The following MGST2 variants were observed in gnomAD, a reference collection of about 807,000 sequenced individuals.
MGST2 encodes glutathione peroxidase MGST2.
A neutral mutation model predicts 16.6 loss-of-function variants in MGST2; 9 were observed. The observed-to-expected ratio is 0.54, with a 90% CI of 0.33 to 0.95. The LOEUF is 0.95. Ranked by LOEUF, MGST2 falls within the 40% of genes least tolerant of loss-of-function variation. The pLI is 0.03. For synonymous variants in MGST2, 79 were observed against 68.0 expected (o/e 1.16, Z -0.79); for missense variants, 159 against 175.1 (o/e 0.91, Z 0.52).
intron 2 of MGST2, among the ~76,000 whole-genome samples, chr4:139,681,431 T>G (rs1440620780): frequency 6.6e-6 from 1 of 152,218 alleles, no homozygotes; most frequent in African/African-American, 2.4e-5. Context: ...ACTGATCCTC[T>G]AGTTTTCTTT....
chr4:139,675,561 G>T (rs2110809252), intron 1 of MGST2, among the ~76,000 whole-genome samples: 1 of 152,362 alleles, frequency 6.6e-6, no homozygotes, highest in African/African-American at 2.4e-5. Flanking sequence ...TCTTGTACCT[G>T]CTGGGCAAGG....
chr4:139,716,234 T>C (rs1727952800), intron 5 of MGST2, among the ~76,000 whole-genome samples: 1 of 152,162 alleles, frequency 6.6e-6, no homozygotes, highest in Non-Finnish European at 1.5e-5. Context: ...CTAAGCACTT[T>C]CAATTCTGTG....
rs544240010 is a variant in MGST2, at chr4:139,730,516, A to G, written c.*49-9696A>G. The stretch of plus-strand genomic sequence containing the variant: ...CTCTATCAACTGGGCCCGCTGATCA[A>G]TGAGCATCTGCTTCATGATGGCTGC... On this transcript the variant is annotated intron_variant, in intron 5 of 5. Coordinates refer to the MGST2 transcript ENST00000616265. 9.8e-5 allele frequency: 153 copies of G among 1,561,200 alleles called. 1 individual carries two copies. In the East Asian group the frequency reaches 3.3e-3, roughly 34 times the overall value.
intron 2 of MGST2, chr4:139,678,846 C>T: frequency 1.6e-6 from 1 of 615,112 alleles, no homozygotes; most frequent in Non-Finnish European, 2.9e-6. Flanking sequence ...ACATCTATTA[C>T]CAATTCAGCA....
intron 3 of MGST2, among the ~76,000 whole-genome samples, chr4:139,702,844 GTTTTT>G (rs70943436): frequency 0.2 from 9,335 of 46,528 alleles, 1,074 homozygotes; most frequent in Non-Finnish European, 0.31. Context: ...TGTGTTACTG[GTTTTT>G]TTTTTTTTTT....
intron 5 of MGST2, among the ~76,000 whole-genome samples, chr4:139,727,453 G>T (rs1398734336): frequency 6.6e-6 from 1 of 152,162 alleles, no homozygotes; most frequent in East Asian, 1.9e-4. Flanking sequence ...GGCAGCCTGT[G>T]GGGGACTGAG....
intron 5 of MGST2, among the ~76,000 whole-genome samples, chr4:139,732,538 A>G (rs1579372128): frequency 6.6e-6 from 1 of 152,144 alleles, no homozygotes; most frequent in African/African-American, 2.4e-5. Flanking sequence ...CACACAATCA[A>G]TGAATGGAAG....
At chr4:139,705,125 C>T (rs1727471210), downstream of MGST2, among the ~76,000 whole-genome samples, 1 of 152,164 alleles carries the variant, frequency 6.6e-6, no homozygotes, top group Non-Finnish European at 1.5e-5. Flanking sequence ...TCAAGCGAGC[C>T]TCCTGCTTCA....
chr4:139,706,041 C>CT (rs1215266638), downstream of MGST2, among the ~76,000 whole-genome samples: 4 of 152,018 alleles, frequency 2.6e-5, no homozygotes, highest in African/African-American at 7.2e-5. Flanking sequence ...TAGTACTTTT[C>CT]TTTTTTTGTG....
intron 2 of MGST2, among the ~76,000 whole-genome samples, chr4:139,683,221 G>A (rs1731356919): frequency 6.6e-6 from 1 of 152,200 alleles, no homozygotes; most frequent in Non-Finnish European, 1.5e-5. Context: ...CTAGAGCCAG[G>A]GAGATAGCAG....
chr4:139,747,268 G>A, the MGST2 span, among the ~76,000 whole-genome samples: 2 of 152,306 alleles, frequency 1.3e-5, no homozygotes, highest in East Asian at 1.9e-4. Context: ...TTGTGGCGCC[G>A]GTGGGAGGAG....
the MGST2 span, among the ~76,000 whole-genome samples, chr4:139,753,841 G>T: frequency 6.6e-6 from 1 of 152,160 alleles, no homozygotes; most frequent in East Asian, 1.9e-4. Context: ...CACGGGTATG[G>T]CTGGCCCTCA....
chr4:139,667,548 G>A (rs1730431659), intron 1 of MGST2, among the ~76,000 whole-genome samples: 1 of 152,050 alleles, frequency 6.6e-6, no homozygotes, highest in African/African-American at 2.4e-5. Flanking sequence ...ATTAATGGTG[G>A]ACAGGGAATG....
chr4:139,714,446 G>T (rs1597907), intron 5 of MGST2, among the ~76,000 whole-genome samples: 135,921 of 152,248 alleles, frequency 0.89, 60,920 homozygotes, highest in East Asian at 1. Flanking sequence ...TTTCCCTGAG[G>T]GGCCCTAGTG....
At chr4:139,677,043 C>G (rs113974169) in intron 1 of MGST2, among the ~76,000 whole-genome samples, 3 of 152,264 alleles carry the variant, frequency 2.0e-5, no homozygotes, top group African/African-American at 7.2e-5. Context: ...ACATGACTCC[C>G]TTGGCTAGCT....
chr4:139,747,350 T>A, the MGST2 span, among the ~76,000 whole-genome samples: 1 of 152,208 alleles, frequency 6.6e-6, no homozygotes. Flanking sequence ...AGCATCTGCA[T>A]GCATCTCTTT....
downstream of MGST2, among the ~76,000 whole-genome samples, chr4:139,745,154 G>A (rs1280535319): frequency 5.3e-5 from 8 of 152,102 alleles, no homozygotes; most frequent in Admixed American, 2.0e-4. Flanking sequence ...GAAGGAGAGC[G>A]GCCACCTGCA....
At chr4:139,731,800 G>A (rs1014494871) in intron 5 of MGST2, among the ~76,000 whole-genome samples, 2 of 152,148 alleles carry the variant, frequency 1.3e-5, no homozygotes, top group African/African-American at 4.8e-5. Context: ...TGACTACATG[G>A]AGAATGTGCT....
chr4:139,730,074 G>A (rs1728639950), intron 5 of MGST2, among the ~76,000 whole-genome samples: 1 of 152,170 alleles, frequency 6.6e-6, no homozygotes, highest in African/African-American at 2.4e-5. Flanking sequence ...TACGGCTTAT[G>A]GAGCATGTGA....
Sources: allele counts gnomAD v4.1 joint callset (sites outside exome capture counted in the v4.1 genomes callset), GRCh38; gene constraint gnomAD v4.1.1; transcripts MANE v1.5; gene names NCBI Gene and HGNC (gene_info 2026-07-23, HGNC 2026-07-21).